Variants in TRABD2B observed in about 807,000 individuals in gnomAD.
TRABD2B encodes the protein metalloprotease TIKI2.
A neutral mutation model predicts 40.1 loss-of-function variants in TRABD2B; 14 were observed. The ratio of observed to expected loss-of-function variants is 0.35; its 90% confidence interval spans 0.23 to 0.55. The LOEUF (loss-of-function observed/expected upper bound fraction) is 0.55. Among genes scored for constraint, TRABD2B ranks in the 20% least tolerant of loss-of-function variants. The pLI, the probability that TRABD2B is intolerant of heterozygous loss-of-function variation, is 0.90. For missense variants in TRABD2B, 541 were observed against 648.6 expected (o/e 0.83, Z 1.80); for synonymous variants, 263 against 277.0 (o/e 0.95, Z 0.50).
chr1:47,798,768 G>C (rs931977863), intron 3 of TRABD2B, among the ~76,000 whole-genome samples: 3 of 152,192 alleles, frequency 2.0e-5, no homozygotes, highest in African/African-American at 7.2e-5. Context: ...AAAGCCTTCA[G>C]GCAAAGGCAC....
rs184989754 is a variant in TRABD2B at position 47,765,551 on chromosome 1, C to G, written c.*351G>C. The G allele has an allele frequency of 3.1e-5, 10 of 324,596 alleles. No individual in the cohort carries two copies. Among genetic ancestry groups the G allele is most frequent in the African/African-American group, 2.2e-4 (10 of 45,486 alleles). The allele number at this position is 324,596 out of a possible 1,614,324, so 20.1% of individuals were successfully genotyped here. ...GAGCAAGCCAGTCCAGAGCCACAGTCCACAGGAGGTCACTGATGTCCCGGG... is the reference window on the plus strand; with the variant it reads ...GAGCAAGCCAGTCCAGAGCCACAGTGCACAGGAGGTCACTGATGTCCCGGG... On this transcript the variant is annotated 3_prime_UTR_variant, in exon 7 of 7. Coordinates refer to ENST00000606738, the MANE Select transcript of TRABD2B (RefSeq NM_001194986.2).
At chr1:47,963,073 C>T (rs1486614869) in intron 2 of TRABD2B, among the ~76,000 whole-genome samples, 1 of 152,200 alleles carries the variant, frequency 6.6e-6, no homozygotes, top group Non-Finnish European at 1.5e-5. Flanking sequence ...TGTGGGATGC[C>T]ATTAGATGCA....
chr1:47,875,674 C>CAAAAAAAAAAAAAAAA (rs10541556), intron 2 of TRABD2B, among the ~76,000 whole-genome samples: 1 of 75,928 alleles, frequency 1.3e-5, no homozygotes, highest in African/African-American at 5.1e-5. Flanking sequence ...AACCCTGTCT[C>CAAAAAAAAAAAAAAAA]AAAAAAAAAA....
In TRABD2B at chr1:47,765,755, A is replaced by G; in HGVS notation, c.*147T>C. 4 of 667,800 alleles carry G rather than the reference A, an allele frequency of 6.0e-6. No individual in the cohort carries two copies. The highest frequency in any genetic ancestry group is 1.1e-5 in the Non-Finnish European group (4 of 368,614). 41.4% of individuals were successfully genotyped at this position (667,800 alleles called of 1,614,324 possible). On this transcript the variant is annotated 3_prime_UTR_variant, in exon 7 of 7. Transcript: ENST00000606738. ...ACAAAAAAGAAGATGTAACTTGGGT[A>G]CAGTAAAGCTCTAGAGTGTCTAGCC... is the stretch of plus-strand genomic sequence containing the variant.
chr1:47,845,206 A>G lies in TRABD2B; in HGVS notation c.667-43587T>C, dbSNP rs113779653. ...TTCCCACCCCTTTTTCTGCCACGTT[A>G]TGGAAAGAGCATGTCCGTTAGCATG... On this transcript the variant is annotated intron_variant, in intron 2 of 6. Transcript: ENST00000606738. Among the ~76,000 whole-genome samples the G allele has an allele frequency of 4.6e-3, 704 of 152,194 alleles. 7 individuals are homozygous for G. The highest frequency in any genetic ancestry group is 0.016 in the African/African-American group (677 of 41,512).
chr1:47,794,482 C>T, intron 4 of TRABD2B, 104 bp downstream of exon 4: 1 of 1,304,986 alleles, frequency 7.7e-7, no homozygotes, highest in Non-Finnish European at 1.0e-6. Context: ...TTTCCTGCCC[C>T]ATCCTGGGCC....
At chr1:47,959,925 G>A (rs1038300850) in intron 2 of TRABD2B, among the ~76,000 whole-genome samples, 1 of 152,124 alleles carries the variant, frequency 6.6e-6, no homozygotes, top group African/African-American at 2.4e-5. Flanking sequence ...GAGAATTTTA[G>A]ACCAATATCC....
chr1:47,879,604 T>G (rs1256398718), intron 2 of TRABD2B, among the ~76,000 whole-genome samples: 2 of 152,226 alleles, frequency 1.3e-5, no homozygotes. Flanking sequence ...CTGTGGAAAA[T>G]AGGTAAGAAA....
chr1:47,765,756 C>T lies in TRABD2B; in HGVS notation c.*146G>A. The T allele has an allele frequency of 1.5e-6, 1 of 673,878 alleles. No homozygotes were observed. The highest frequency in any genetic ancestry group is 2.7e-6 in the Non-Finnish European group (1 of 371,664). The allele number at this position is 673,878 out of a possible 1,614,324, so 41.7% of individuals were successfully genotyped here. A position where few individuals can be genotyped will look rare whatever the true frequency, so the allele number is the denominator to read the frequency against. On this transcript the variant is annotated 3_prime_UTR_variant, in exon 7 of 7. Transcript: ENST00000606738. ...CAAAAAAGAAGATGTAACTTGGGTACAGTAAAGCTCTAGAGTGTCTAGCCA... is the reference window on the plus strand; with the variant it reads ...CAAAAAAGAAGATGTAACTTGGGTATAGTAAAGCTCTAGAGTGTCTAGCCA...
chr1:47,987,147 A>C (rs1213119048), intron 2 of TRABD2B, among the ~76,000 whole-genome samples: 2 of 152,146 alleles, frequency 1.3e-5, no homozygotes. Flanking sequence ...TCCGTCAGAA[A>C]GTGCTTTGCC....
At position 47,987,898 on chromosome 1, in the gene TRABD2B, A is replaced by T. The variant is rs530096818; in HGVS notation, c.666+6136T>A. ...TTCTCAGTCCAGGTTCTGGAGGTATATGGTATAGGCGATGCCAGCCTGTGT... is the reference window on the plus strand; with the variant it reads ...TTCTCAGTCCAGGTTCTGGAGGTATTTGGTATAGGCGATGCCAGCCTGTGT... On this transcript the variant is annotated intron_variant, in intron 2 of 6. Transcript: ENST00000606738. Among the ~76,000 whole-genome samples the T allele has an allele frequency of 2.0e-5, 3 of 152,226 alleles. No homozygotes were observed. The East Asian group carries it at 5.8e-4, about 29-fold the overall frequency.
chr1:47,794,824 T>C, intron 3 of TRABD2B, 64 bp from the exon 4 acceptor site: 1 of 1,396,820 alleles, frequency 7.2e-7, no homozygotes, highest in Non-Finnish European at 9.4e-7. Context: ...ATAAAGGGTG[T>C]TACTGTCACC....
At chr1:47,889,122 A>G (rs191462169) in intron 2 of TRABD2B, among the ~76,000 whole-genome samples, 181 of 152,328 alleles carry the variant, frequency 1.2e-3, no homozygotes, top group African/African-American at 3.8e-3. Context: ...GGCCTAACAC[A>G]GCCCAGTGCA....
At chr1:47,988,857 C>G (rs1053742986) in intron 2 of TRABD2B, among the ~76,000 whole-genome samples, 1 of 152,210 alleles carries the variant, frequency 6.6e-6, no homozygotes, top group African/African-American at 2.4e-5. Flanking sequence ...CTAACAGGAT[C>G]AGGATTAGAA....
At chr1:47,918,977 T>C (rs1440833381) in intron 2 of TRABD2B, among the ~76,000 whole-genome samples, 1 of 152,232 alleles carries the variant, frequency 6.6e-6, no homozygotes, top group African/African-American at 2.4e-5. Flanking sequence ...TTGCTCATTC[T>C]TACAGGCCCT....
intron 2 of TRABD2B, among the ~76,000 whole-genome samples, chr1:47,829,463 A>T (rs894097997): frequency 7.2e-5 from 11 of 152,028 alleles, no homozygotes; most frequent in African/African-American, 2.7e-4. Flanking sequence ...TAGACTCCTC[A>T]CTGTCGATGG....
Position 47,883,453 on chromosome 1 carries a change from G to A in TRABD2B, c.667-81834C>T, listed in dbSNP as rs1644331634. Among the ~76,000 whole-genome samples, 3 of 152,128 alleles carry A rather than the reference G, an allele frequency of 2.0e-5. No homozygotes were observed. The South Asian group carries it at 6.2e-4, about 31-fold the overall frequency. ...TGGCAACAAGACAGAGACATAACTAGGGGGTAGGGAGTAGAAAAAGAAGGC... is the reference window on the plus strand; with the variant it reads ...TGGCAACAAGACAGAGACATAACTAAGGGGTAGGGAGTAGAAAAAGAAGGC... On this transcript the variant is annotated intron_variant, in intron 2 of 6. Transcript: ENST00000606738.
chr1:47,918,218 T>C (rs1343680657), intron 2 of TRABD2B, among the ~76,000 whole-genome samples: 1 of 152,212 alleles, frequency 6.6e-6, no homozygotes, highest in African/African-American at 2.4e-5. Flanking sequence ...TCTGTCTCCG[T>C]GGCTGGGCTG....
rs754071245 is a variant in TRABD2B, at chr1:47,981,900, G to A, written c.666+12134C>T. 2.6e-5 allele frequency among the ~76,000 whole-genome samples: 4 copies of A among 152,280 alleles called. No homozygotes were observed. In the South Asian group the frequency reaches 8.3e-4, roughly 32 times the overall value. ...TTGCTAGGTAACATCCAACCTGTCT[G>A]AGCAGTAGAGGAAAAGGATGCTGAG... On this transcript the variant is annotated intron_variant, in intron 2 of 6. Coordinates refer to ENST00000606738, the MANE Select transcript of TRABD2B (RefSeq NM_001194986.2).
Sources: gnomAD v4.1 joint callset for allele counts (sites outside exome capture counted in the v4.1 genomes callset) on GRCh38, gnomAD v4.1.1 for gene constraint, MANE v1.5 for transcripts, NCBI Gene and HGNC (gene_info 2026-07-23, HGNC 2026-07-21) for gene names.